Variants in ZBTB17 observed in about 807,000 individuals in gnomAD.
ZBTB17 encodes zinc finger and BTB domain containing 17, also known as zinc finger and BTB domain-containing protein 17.
ZBTB17 carries 24 observed loss-of-function variants against 85.1 expected under a neutral mutation model. The observed-to-expected ratio is 0.28, with a 90% confidence interval of 0.20 to 0.40. ZBTB17 has a LOEUF of 0.40. ZBTB17 is among the 10% of genes least tolerant of loss of function. ZBTB17 has a pLI of 1.00. For synonymous variants in ZBTB17, 464 were observed against 460.2 expected, an observed-to-expected ratio of 1.01 and a Z score of -0.11; for missense variants, 743 against 1,105.1, an observed-to-expected ratio of 0.67 and a Z score of 4.65.
rs34511728 is a variant in ZBTB17 at position 15,964,124 on chromosome 1, GAA to G, written c.-3+8913_-3+8914del. 7.5e-6 allele frequency among the ~76,000 whole-genome samples: 1 copy of G among 133,956 alleles called. No homozygotes were observed. Among genetic ancestry groups the G allele is most frequent in the Non-Finnish European group, 1.6e-5 (1 of 62,908 alleles). 87.9% of individuals were successfully genotyped at this position (133,956 alleles called of 152,430 possible). On this transcript the variant is annotated intron_variant, in intron 2 of 15. Coordinates refer to ENST00000375743, the MANE Select transcript of ZBTB17 (RefSeq NM_003443.3). The surrounding 1 kb of genome is among the most constrained non-coding windows in gnomAD (Gnocchi z 4.3). Reference sequence around the variant, plus strand: ...AACAGCGAGACCCTGTCTCTAGAGAGAAAAAAAAAAAAAGGTTTAAAAAGAAC... The same window carrying G: ...AACAGCGAGACCCTGTCTCTAGAGAGAAAAAAAAAAAGGTTTAAAAAGAAC...
rs1237781544 is a variant in ZBTB17, at chr1:15,966,278, G to T, written c.-3+6761C>A. 7.9e-5 allele frequency among the ~76,000 whole-genome samples: 12 copies of T among 152,148 alleles called. No individual in the cohort carries two copies. The highest frequency in any genetic ancestry group is 7.9e-4 in the Admixed American group (12 of 15,278). Reference sequence around the variant, plus strand: ...AAATTCGAGTGGAGCCTGCCACTCGGGACAGGAAAGTGACTGCTTAGGTTA... The same window carrying T: ...AAATTCGAGTGGAGCCTGCCACTCGTGACAGGAAAGTGACTGCTTAGGTTA... On this transcript the variant is annotated intron_variant, in intron 2 of 15. Transcript: ENST00000375743. The surrounding 1 kb of genome is among the most constrained non-coding windows in gnomAD (Gnocchi z 4.1).
chr1:15,976,021 C>G lies in ZBTB17; in HGVS notation c.-128G>C. 1.4e-6 allele frequency: 1 copy of G among 698,622 alleles called. No individual in the cohort carries two copies. Among genetic ancestry groups the G allele is most frequent in the Non-Finnish European group, 2.6e-6 (1 of 382,942 alleles). 43.3% of individuals were successfully genotyped at this position (698,622 alleles called of 1,614,324 possible). A position where few individuals can be genotyped will look rare whatever the true frequency, so the allele number is the denominator to read the frequency against. The stretch of plus-strand genomic sequence containing the variant: ...GACCCCACCGCAGAGGGAGGTGCAT[C>G]ACGGCCGCGAGAAGGCCGGGGACGG... On this transcript the variant is annotated 5_prime_UTR_variant, in exon 1 of 16. An upstream open reading frame in the 5' UTR loses its in-frame stop. Transcript: ENST00000375743.
chr1:15,954,855 A>T (rs1347548334), intron 2 of ZBTB17, among the ~76,000 whole-genome samples: 1 of 151,922 alleles, frequency 6.6e-6, no homozygotes, highest in East Asian at 1.9e-4. Flanking sequence ...ATCTCAAAAA[A>T]ACAAATAAAA....
intron 2 of ZBTB17, among the ~76,000 whole-genome samples, chr1:15,957,508 C>T (rs2072093494): frequency 1.3e-5 from 2 of 152,060 alleles, no homozygotes; most frequent in African/African-American, 2.4e-5. Flanking sequence ...CCCAGGGTCT[C>T]AGGGACACAG....
Position 15,952,382 on chromosome 1 carries a change from C to G in ZBTB17, c.-2-3885G>C, listed in dbSNP as rs572841484. Among the ~76,000 whole-genome samples, 1 of 152,226 alleles carries G rather than the reference C, an allele frequency of 6.6e-6. No homozygotes were observed. The highest frequency in any genetic ancestry group is 2.4e-5 in the African/African-American group (1 of 41,456). On this transcript the variant is annotated intron_variant, in intron 2 of 15. Coordinates refer to ENST00000375743, the MANE Select transcript of ZBTB17 (RefSeq NM_003443.3). This position sits in a 1 kb window ranked among gnomAD's most constrained non-coding sequence, Gnocchi z 4.3. ...CAAAAAAGTGAGGCACTGAGGACACCTGCAGTGTGAGTCCGGACAGGCACA... is the reference window on the plus strand; with the variant it reads ...CAAAAAAGTGAGGCACTGAGGACACGTGCAGTGTGAGTCCGGACAGGCACA...
chr1:15,971,335 A>G (rs1316720791), intron 2 of ZBTB17, among the ~76,000 whole-genome samples: 3 of 107,518 alleles, frequency 2.8e-5, no homozygotes, highest in Admixed American at 8.8e-5. Flanking sequence ...GTGTGTATGT[A>G]TATATATATA....
At chr1:15,956,420 A>G (rs750916563) in intron 2 of ZBTB17, among the ~76,000 whole-genome samples, 2 of 152,232 alleles carry the variant, frequency 1.3e-5, no homozygotes, top group Non-Finnish European at 2.9e-5. Flanking sequence ...TGACTAACAC[A>G]ATGTCAAAGT....
At chr1:15,944,238 C>A in intron 9 of ZBTB17, 62 bp downstream of exon 9, 1 of 1,542,192 alleles carries the variant, frequency 6.5e-7, no homozygotes, top group East Asian at 2.4e-5. Context: ...CACCACGTGG[C>A]ATGCATGCGG....
At chr1:15,971,375 C>T (rs1009329658) in intron 2 of ZBTB17, among the ~76,000 whole-genome samples, 1 of 104,558 alleles carries the variant, frequency 9.6e-6, no homozygotes, top group Non-Finnish European at 2.0e-5. Flanking sequence ...TATATATATA[C>T]ACACACTATA....
chr1:15,974,609 C>T (rs1444844621), intron 1 of ZBTB17, among the ~76,000 whole-genome samples: 1 of 151,632 alleles, frequency 6.6e-6, no homozygotes, highest in Admixed American at 6.6e-5. Context: ...GAATCTCGCT[C>T]TGTCGCCCAG....
chr1:15,967,902 T>C (rs2072500911), intron 2 of ZBTB17, among the ~76,000 whole-genome samples: 1 of 151,966 alleles, frequency 6.6e-6, no homozygotes, highest in Non-Finnish European at 1.5e-5. Context: ...GGCTTAGGAG[T>C]TTGTGTTCCT....
intron 2 of ZBTB17, among the ~76,000 whole-genome samples, chr1:15,971,026 G>GA (rs200599565): frequency 4.0e-5 from 6 of 150,882 alleles, no homozygotes; most frequent in Admixed American, 1.3e-4. Flanking sequence ...TCAATAGAGG[G>GA]AAAAAAAAAG....
At chr1:15,975,900 G>A (rs2072863426) in intron 1 of ZBTB17, 83 bp downstream of exon 1, 2 of 446,084 alleles carry the variant, frequency 4.5e-6, no homozygotes, top group South Asian at 1.6e-5. Flanking sequence ...AACCGTCACC[G>A]GCGTCCCACC....
intron 6 of ZBTB17, 126 bp from the exon 7 acceptor site, chr1:15,945,328 G>T: frequency 8.3e-6 from 12 of 1,452,120 alleles, no homozygotes; most frequent in Non-Finnish European, 1.1e-5. Context: ...CCCCCGGGGG[G>T]GCCTGTGAAC....
intron 2 of ZBTB17, chr1:15,970,089 CT>C: frequency 1.5e-6 from 1 of 667,278 alleles, no homozygotes; most frequent in Non-Finnish European, 2.7e-6. Flanking sequence ...AGAGGTCAAC[CT>C]TATAAATTAC....
chr1:15,957,939 G>A (rs1337170683), intron 2 of ZBTB17, among the ~76,000 whole-genome samples: 2 of 152,188 alleles, frequency 1.3e-5, no homozygotes. Flanking sequence ...GCCAATTACA[G>A]CTGAGATGTC....
At chr1:15,945,930 G>C (rs1055875630) in intron 5 of ZBTB17, 90 bp from the exon 6 acceptor site, 1 of 1,564,594 alleles carries the variant, frequency 6.4e-7, no homozygotes, top group Non-Finnish European at 8.6e-7. Context: ...TGGTGGCTGC[G>C]TGTGACCCAG....
At chr1:15,954,824 T>C (rs1299329144) in intron 2 of ZBTB17, among the ~76,000 whole-genome samples, 1 of 151,738 alleles carries the variant, frequency 6.6e-6, no homozygotes, top group Non-Finnish European at 1.5e-5. Context: ...CACTCCAGCC[T>C]GGGCAATGGA....
intron 4 of ZBTB17, 67 bp from the exon 5 acceptor site, chr1:15,946,361 GC>G: frequency 6.4e-7 from 1 of 1,572,668 alleles, no homozygotes; most frequent in South Asian, 1.1e-5. Flanking sequence ...GTGTGAGGTG[GC>G]CCAGAACTTG....
Sources: allele counts gnomAD v4.1 joint callset (sites outside exome capture counted in the v4.1 genomes callset), GRCh38; gene constraint gnomAD v4.1.1; non-coding constraint Gnocchi (gnomAD v3.1); transcripts MANE v1.5; gene names NCBI Gene and HGNC (gene_info 2026-07-23, HGNC 2026-07-21).